Variants in TBC1D9 observed in about 807,000 individuals in gnomAD.
TBC1D9 encodes TBC1 domain family member 9, also known as TBC1 domain family member 9A.
TBC1D9 carries 63 observed loss-of-function variants against 132.0 expected under a neutral mutation model. That is an observed-to-expected ratio of 0.48 (90% CI 0.39 to 0.59). The LOEUF is 0.59. Ranked by LOEUF, TBC1D9 falls within the 20% of genes least tolerant of loss-of-function variation. The pLI, the probability that TBC1D9 is intolerant of heterozygous loss-of-function variation, is 0.00. For missense variants in TBC1D9, 1,261 were observed against 1,592.7 expected, an observed-to-expected ratio of 0.79 and a Z score of 3.54; for synonymous variants, 610 against 609.9, an observed-to-expected ratio of 1.00 and a Z score of 0.00.
At chr4:140,662,865 T>C (rs1373136885) in intron 9 of TBC1D9, among the ~76,000 whole-genome samples, 1 of 152,196 alleles carries the variant, frequency 6.6e-6, no homozygotes, top group Non-Finnish European at 1.5e-5. Context: ...TGCAGAAGAA[T>C]GAAAATGAAC....
At chr4:140,699,286 C>T (rs190723584) in intron 2 of TBC1D9, among the ~76,000 whole-genome samples, 1 of 152,210 alleles carries the variant, frequency 6.6e-6, no homozygotes, top group Admixed American at 6.5e-5. Flanking sequence ...CAATAGTCTA[C>T]CCTAAAGGAG....
chr4:140,627,610 A>C, intron 17 of TBC1D9, 83 bp from the exon 18 acceptor site: 6 of 910,444 alleles, frequency 6.6e-6, no homozygotes, highest in Non-Finnish European at 8.7e-6. Flanking sequence ...ATAAAATGAC[A>C]TAAGTGGGGA....
intron 1 of TBC1D9, among the ~76,000 whole-genome samples, chr4:140,731,102 G>A (rs1256814720): frequency 6.6e-6 from 1 of 152,196 alleles, no homozygotes; most frequent in South Asian, 2.1e-4. Flanking sequence ...CAGGTAGGCT[G>A]CAGAGGGTTT....
chr4:140,731,668 TACACACACAC>T (rs56768107), intron 1 of TBC1D9, among the ~76,000 whole-genome samples: 1 of 147,122 alleles, frequency 6.8e-6, no homozygotes, highest in Non-Finnish European at 1.5e-5. Context: ...TTAAAACACA[TACACACACAC>T]ACACACACAC....
At chr4:140,725,461 G>C (rs532157094) in intron 1 of TBC1D9, among the ~76,000 whole-genome samples, 1 of 152,300 alleles carries the variant, frequency 6.6e-6, no homozygotes, top group African/African-American at 2.4e-5. Flanking sequence ...CGGAACAAGA[G>C]CTGTACAGGG....
chr4:140,661,730 T>C (rs1039177055), intron 10 of TBC1D9, among the ~76,000 whole-genome samples, 163 bp downstream of exon 10: 1 of 152,230 alleles, frequency 6.6e-6, no homozygotes. Context: ...GAACAGCCCA[T>C]ACAACAAAGA....
chr4:140,700,668 A>T (rs950702395), intron 2 of TBC1D9, among the ~76,000 whole-genome samples: 2 of 151,638 alleles, frequency 1.3e-5, no homozygotes, highest in South Asian at 4.2e-4. Flanking sequence ...TAAAAACACA[A>T]AAATTAGCTG....
At chr4:140,751,425 C>T (rs1738921833) in intron 1 of TBC1D9, among the ~76,000 whole-genome samples, 1 of 152,052 alleles carries the variant, frequency 6.6e-6, no homozygotes, top group Non-Finnish European at 1.5e-5. Flanking sequence ...ACACAATATG[C>T]AAAAATTAAT....
intron 13 of TBC1D9, chr4:140,643,130 G>C: frequency 1.4e-6 from 2 of 1,422,044 alleles, no homozygotes; most frequent in South Asian, 1.2e-5. Context: ...GTCCCACCAC[G>C]GGCCCATCCA....
At chr4:140,687,379 TATATATATATATATATAAAC>T (rs1560885928) in intron 2 of TBC1D9, among the ~76,000 whole-genome samples, 3 of 73,340 alleles carry the variant, frequency 4.1e-5, no homozygotes, top group African/African-American at 1.8e-4. Context: ...TATATATATA[TATATATATATATATATAAAC>T]ATATAGTATG....
intron 15 of TBC1D9, among the ~76,000 whole-genome samples, chr4:140,635,773 G>C (rs1457130074): frequency 6.6e-6 from 1 of 152,174 alleles, no homozygotes. Flanking sequence ...AAAGGAAACT[G>C]TGTCAAAGTT....
At chr4:140,656,934 C>T (rs147930017) in intron 13 of TBC1D9, among the ~76,000 whole-genome samples, 163 bp downstream of exon 13, 64 of 152,356 alleles carry the variant, frequency 4.2e-4, no homozygotes, top group African/African-American at 1.5e-3. Flanking sequence ...CAGGACCTAA[C>T]CTGCCAATGC....
intron 16 of TBC1D9, among the ~76,000 whole-genome samples, chr4:140,630,122 TAAC>T (rs1205303463): frequency 6.1e-4 from 93 of 152,354 alleles, no homozygotes; most frequent in East Asian, 9.6e-4. Context: ...GGTAGTTCTT[TAAC>T]AATTATTTCT....
At chr4:140,641,294 A>G (rs1239268895) in intron 13 of TBC1D9, among the ~76,000 whole-genome samples, 1 of 152,172 alleles carries the variant, frequency 6.6e-6, no homozygotes, top group African/African-American at 2.4e-5. Flanking sequence ...TGATCTGAGT[A>G]AACAGTTACA....
chr4:140,654,077 A>G (rs1262650375), intron 13 of TBC1D9, among the ~76,000 whole-genome samples: 1 of 152,274 alleles, frequency 6.6e-6, no homozygotes, highest in Non-Finnish European at 1.5e-5. Context: ...CCCTAAGGAA[A>G]TTGAACACTT....
intron 1 of TBC1D9, among the ~76,000 whole-genome samples, chr4:140,724,654 A>G (rs1181821115): frequency 6.6e-6 from 1 of 151,828 alleles, no homozygotes; most frequent in African/African-American, 2.4e-5. Flanking sequence ...AAAAAAAAAA[A>G]CTTGCAACTC....
intron 1 of TBC1D9, among the ~76,000 whole-genome samples, chr4:140,739,666 A>G (rs1274792752): frequency 6.6e-6 from 1 of 152,192 alleles, no homozygotes; most frequent in Non-Finnish European, 1.5e-5. Context: ...AATTTTTAAA[A>G]ATTCATTTGT....
rs141359272 is a variant in TBC1D9, at chr4:140,660,327, C to T, written c.1804-622G>A. 3.0e-3 allele frequency among the ~76,000 whole-genome samples: 457 copies of T among 152,306 alleles called. 2 individuals carry two copies. Among genetic ancestry groups the T allele is most frequent in the African/African-American group, 0.01 (428 of 41,556 alleles). ...CTCTAGACTCAACTACTTTAATAGT[C>T]TTCTTAATTAAAAAGAGGAAGATCA... is the stretch of plus-strand genomic sequence containing the variant. On this transcript the variant is annotated intron_variant, in intron 10 of 20. Transcript: ENST00000442267.
rs1737636936 is a variant in TBC1D9, at chr4:140,677,092, A to G, written c.861T>C (p.Asp287=). ...GGTATCTCTCACTCTTTGCCCTGGC[A>G]TCAAGATCACTGGAAAGCAATAATT... ...KKVSALKRDL[D]ARAKSERYRA... is the part of the protein sequence containing the mutation. The change falls in exon 6 of 21, where the codon GAT becomes GAC. Residue 287 remains aspartate, a synonymous_variant. Coordinates refer to ENST00000442267, the MANE Select transcript of TBC1D9 (RefSeq NM_015130.3). 1.2e-6 allele frequency: 2 copies of G among 1,613,702 alleles called. No homozygotes were observed. Among genetic ancestry groups the G allele is most frequent in the African/African-American group, 1.3e-5 (1 of 74,912 alleles).
Sources: allele counts gnomAD v4.1 joint callset (sites outside exome capture counted in the v4.1 genomes callset), GRCh38; gene constraint gnomAD v4.1.1; transcripts MANE v1.5; gene names NCBI Gene and HGNC (gene_info 2026-07-23, HGNC 2026-07-21).